ACYP2: variants seen among roughly 807,000 people sequenced by gnomAD.
ACYP2 encodes acylphosphatase 2.
A neutral mutation model predicts 11.2 loss-of-function variants in ACYP2; 12 were observed. The ratio of observed to expected loss-of-function variants is 1.08; its 90% CI spans 0.69 to 1.74. The LOEUF (loss-of-function observed/expected upper bound fraction) is 1.74. ACYP2 is among the 40% of genes most tolerant of loss of function. The probability of loss-of-function intolerance (pLI) is 0.00; values close to 1 mark genes in which losing one functional copy is unlikely to be tolerated. For missense variants in ACYP2, 134 were observed against 101.9 expected, an observed-to-expected ratio of 1.31 and a Z score of -1.35; for synonymous variants, 43 against 32.2, an observed-to-expected ratio of 1.33 and a Z score of -1.13.
chr2:54,288,460 T>C (rs1689171763), intron 6 of ACYP2, among the ~76,000 whole-genome samples: 1 of 152,048 alleles, frequency 6.6e-6, no homozygotes, highest in African/African-American at 2.4e-5. Flanking sequence ...GTATATTCTC[T>C]AGGCCAGGTT....
At chr2:54,291,706 G>A (rs1689313515) in intron 6 of ACYP2, among the ~76,000 whole-genome samples, 1 of 152,216 alleles carries the variant, frequency 6.6e-6, no homozygotes, top group Non-Finnish European at 1.5e-5. Context: ...TAGCCCATGT[G>A]GCTCGGGGGC....
At chr2:54,241,837 A>G (rs962778777) in intron 6 of ACYP2, among the ~76,000 whole-genome samples, 1 of 152,030 alleles carries the variant, frequency 6.6e-6, no homozygotes, top group Non-Finnish European at 1.5e-5. Flanking sequence ...ACGTGGTGAA[A>G]CCCTGCCTCT....
At chr2:54,117,191 GTTA>G (rs1194212656) in intron 4 of ACYP2, among the ~76,000 whole-genome samples, 1 of 152,142 alleles carries the variant, frequency 6.6e-6, no homozygotes, top group African/African-American at 2.4e-5. Flanking sequence ...TCTGGATGGA[GTTA>G]TTATTGAAAT....
chr2:54,202,042 C>T (rs1281258303), intron 6 of ACYP2, among the ~76,000 whole-genome samples: 1 of 150,282 alleles, frequency 6.7e-6, no homozygotes, highest in Non-Finnish European at 1.5e-5. Flanking sequence ...GCTTAAAGCC[C>T]TGACGTTTAG....
chr2:53,979,390 A>G (rs1671644270), intron 2 of ACYP2, among the ~76,000 whole-genome samples: 1 of 152,144 alleles, frequency 6.6e-6, no homozygotes, highest in Non-Finnish European at 1.5e-5. Context: ...GCACTTTGGG[A>G]GGCCGAGGAG....
At chr2:54,277,507 G>A (rs1010989759) in intron 6 of ACYP2, among the ~76,000 whole-genome samples, 3 of 152,038 alleles carry the variant, frequency 2.0e-5, no homozygotes, top group African/African-American at 2.4e-5. Context: ...GTGAAACCCC[G>A]TCTCTACTAA....
intron 6 of ACYP2, among the ~76,000 whole-genome samples, chr2:54,291,960 A>C (rs891511711): frequency 2.6e-5 from 4 of 151,316 alleles, no homozygotes; most frequent in African/African-American, 9.9e-5. Context: ...CCTATTAACT[A>C]AACTATTTTA....
intron 2 of ACYP2, among the ~76,000 whole-genome samples, chr2:53,978,931 A>G (rs900405449): frequency 6.6e-6 from 1 of 152,162 alleles, no homozygotes; most frequent in African/African-American, 2.4e-5. Flanking sequence ...TCAAACTTAA[A>G]AAAAAGAGTA....
At chr2:54,137,256 G>T (rs1364831334) in intron 5 of ACYP2, among the ~76,000 whole-genome samples, 1 of 151,892 alleles carries the variant, frequency 6.6e-6, no homozygotes, top group Non-Finnish European at 1.5e-5. Context: ...TAGTGTTCTT[G>T]CTAGTTTAAT....
At chr2:54,304,473 A>T (rs985238020) in intron 6 of ACYP2, among the ~76,000 whole-genome samples, 1 of 152,078 alleles carries the variant, frequency 6.6e-6, no homozygotes, top group East Asian at 1.9e-4. Context: ...GACTGTGCTT[A>T]ATTTATTAGA....
intron 6 of ACYP2, among the ~76,000 whole-genome samples, chr2:54,210,433 T>C (rs1219431874): frequency 6.6e-6 from 1 of 151,820 alleles, no homozygotes; most frequent in Admixed American, 6.6e-5. Context: ...ACAATAAATA[T>C]AAATAGAATT....
At chr2:54,152,966 T>G (rs1206667359) in intron 6 of ACYP2, among the ~76,000 whole-genome samples, 1 of 152,204 alleles carries the variant, frequency 6.6e-6, no homozygotes, top group East Asian at 1.9e-4. Flanking sequence ...CTCAGCTGGT[T>G]TCTTCCAAGT....
chr2:54,255,530 T>G (rs780854339), intron 6 of ACYP2: 2 of 1,613,630 alleles, frequency 1.2e-6, no homozygotes, highest in East Asian at 4.5e-5. Context: ...TCCAGCTGGA[T>G]GGACTCCAGG....
At chr2:54,017,701 A>T (rs757895143) in intron 2 of ACYP2, among the ~76,000 whole-genome samples, 5 of 152,184 alleles carry the variant, frequency 3.3e-5, no homozygotes, top group Non-Finnish European at 7.3e-5. Flanking sequence ...TATGAAAAAT[A>T]GTATTCCTTT....
chr2:54,009,282 G>T (rs1673238848), intron 2 of ACYP2, among the ~76,000 whole-genome samples: 2 of 152,168 alleles, frequency 1.3e-5, no homozygotes, highest in South Asian at 4.1e-4. Flanking sequence ...TTCCTGGCTG[G>T]ATGCAGTGGC....
rs185828573 is a variant in ACYP2, at chr2:54,094,864, A to T, written c.277+37504A>T. 3.1e-3 allele frequency among the ~76,000 whole-genome samples: 467 copies of T among 150,930 alleles called. 2 individuals carry two copies. The highest frequency in any genetic ancestry group is 0.01 in the African/African-American group (419 of 41,098). On this transcript the variant is annotated intron_variant, in intron 4 of 6. Transcript: ENST00000607452. ...AAATATTTTATTGTATTTTATTATT[A>T]TTTTTTAATCTGTTTTTTTTTAAAC...
chr2:54,231,136 C>T (rs1465888845), intron 6 of ACYP2, among the ~76,000 whole-genome samples: 2 of 152,052 alleles, frequency 1.3e-5, no homozygotes, highest in Non-Finnish European at 2.9e-5. Context: ...CCGGCCAAAC[C>T]AATGTGTTTC....
At chr2:54,244,978 T>C (rs1000669032) in intron 6 of ACYP2, among the ~76,000 whole-genome samples, 25 of 152,218 alleles carry the variant, frequency 1.6e-4, no homozygotes, top group African/African-American at 5.3e-4. Context: ...ACAGAACTTA[T>C]TCTTCCTGTA....
intron 6 of ACYP2, among the ~76,000 whole-genome samples, chr2:54,260,063 T>G (rs890962767): frequency 2.0e-5 from 3 of 152,064 alleles, no homozygotes; most frequent in African/African-American, 7.2e-5. Context: ...TGTCCTGGAA[T>G]AGACAAGAGG....
Sources: gnomAD v4.1 joint callset for allele counts (sites outside exome capture counted in the v4.1 genomes callset) on GRCh38, gnomAD v4.1.1 for gene constraint, MANE v1.5 for transcripts, NCBI Gene and HGNC (gene_info 2026-07-23, HGNC 2026-07-21) for gene names.